The following SOX13 variants were observed in gnomAD, a reference collection of about 807,000 sequenced individuals.
The protein encoded by SOX13 is transcription factor SOX-13.
SOX13 carries 28 observed loss-of-function variants against 71.8 expected under a neutral mutation model. The ratio of observed to expected loss-of-function variants is 0.39; its 90% CI spans 0.29 to 0.53. The LOEUF is 0.53. Among genes scored for constraint, SOX13 ranks in the 20% least tolerant of loss-of-function variants. SOX13 has a pLI of 0.70. For missense variants in SOX13, 627 were observed against 810.3 expected (o/e 0.77, Z 2.75); for synonymous variants, 309 against 317.8 (o/e 0.97, Z 0.29).
At chr1:204,105,587 G>C (rs1656453904) in intron 1 of SOX13, among the ~76,000 whole-genome samples, 1 of 151,986 alleles carries the variant, frequency 6.6e-6, no homozygotes, top group South Asian at 2.1e-4. Flanking sequence ...TGTATTTTTA[G>C]TGGAGATGGG....
chr1:204,082,840 G>T (rs1284472018), intron 1 of SOX13, among the ~76,000 whole-genome samples: 2 of 152,198 alleles, frequency 1.3e-5, no homozygotes, highest in African/African-American at 4.8e-5. Flanking sequence ...AGTAGACAAG[G>T]GATGGACTTG....
intron 1 of SOX13, among the ~76,000 whole-genome samples, chr1:204,091,731 TGC>T (rs1362943455): frequency 4.3e-5 from 4 of 92,756 alleles, no homozygotes; most frequent in African/African-American, 7.1e-5. Context: ...TGTGTGCGTG[TGC>T]GTGTGTGTGT....
intron 2 of SOX13, among the ~76,000 whole-genome samples, chr1:204,113,487 G>A (rs1337503616): frequency 6.6e-6 from 1 of 151,972 alleles, no homozygotes; most frequent in Non-Finnish European, 1.5e-5. Flanking sequence ...AGATGATTTG[G>A]GAAAATCAAC....
intron 1 of SOX13, among the ~76,000 whole-genome samples, chr1:204,097,529 T>TA (rs1472967971): frequency 6.6e-6 from 1 of 151,866 alleles, no homozygotes; most frequent in Non-Finnish European, 1.5e-5. Flanking sequence ...CTGTCTCTAC[T>TA]AAAAATACAA....
chr1:204,100,672 A>G (rs1218777348), intron 1 of SOX13, among the ~76,000 whole-genome samples: 2 of 151,520 alleles, frequency 1.3e-5, no homozygotes, highest in Admixed American at 6.6e-5. Context: ...ATAATGGGAG[A>G]GGAAACGCAG....
In SOX13 at chr1:204,116,583, G is replaced by T; in HGVS notation, c.495G>T (p.Gln165His). 6.2e-7 allele frequency: 1 copy of T among 1,614,058 alleles called. No individual in the cohort carries two copies. The highest frequency in any genetic ancestry group is 8.5e-7 in the Non-Finnish European group (1 of 1,179,900). Residue 165 changes from glutamine (Q) to histidine (H), a missense_variant, in exon 5 of 14, where the codon CAG (glutamine) becomes CAT (histidine). Gln to His is a conservative substitution (Grantham distance 24, BLOSUM62 0). Coordinates refer to ENST00000367204, the MANE Select transcript of SOX13 (RefSeq NM_005686.3). ...ACCAGCTGTCCACCCTGCGGGACCA[G>T]CTCCTGACAGCCCACTCGGAGCAGA... is the stretch of plus-strand genomic sequence containing the variant. ...MIHQLSTLRD[Q>H]LLTAHSEQKN... is the part of the protein sequence containing the mutation.
chr1:204,124,870 C>T lies in SOX13; in HGVS notation c.1592+13C>T. The T allele has an allele frequency of 6.5e-7, 1 of 1,545,810 alleles. No homozygotes were observed. Among genetic ancestry groups the T allele is most frequent in the Non-Finnish European group, 8.8e-7 (1 of 1,141,188 alleles). On this transcript the variant is annotated intron_variant, in intron 13 of 13. Coordinates refer to ENST00000367204, the MANE Select transcript of SOX13 (RefSeq NM_005686.3). The stretch of plus-strand genomic sequence containing the variant: ...GCTACGTGATCCCGTGAGCAGGCCC[C>T]CCCGCAGGCAGCCAGGAGACTGTGT...
intron 1 of SOX13, among the ~76,000 whole-genome samples, chr1:204,102,519 C>T (rs1206063385): frequency 1.3e-5 from 2 of 152,042 alleles, no homozygotes; most frequent in Admixed American, 6.5e-5. Context: ...CGCCTGTTTG[C>T]ACTGTGGGGC....
intron 1 of SOX13, chr1:204,078,277 G>C (rs999984870): frequency 6.6e-6 from 1 of 152,192 alleles, no homozygotes; most frequent in Non-Finnish European, 1.5e-5. Flanking sequence ...CCCTTGAGAG[G>C]CTGACACTGG....
chr1:204,082,278 G>T (rs1655925591), intron 1 of SOX13, among the ~76,000 whole-genome samples: 1 of 152,006 alleles, frequency 6.6e-6, no homozygotes, highest in South Asian at 2.1e-4. Flanking sequence ...GTGCAGGCAG[G>T]CAGGGGCCTG....
Position 204,114,348 on chromosome 1 carries a change from TC to T in SOX13, c.251del (p.Pro84GlnfsTer25). 1 of 1,609,934 alleles carries T rather than the reference TC, an allele frequency of 6.2e-7. No homozygotes were observed. Among genetic ancestry groups the T allele is most frequent in the South Asian group, 1.1e-5 (1 of 90,092 alleles). On this transcript the variant is annotated frameshift_variant, in exon 3 of 14. Transcript: ENST00000367204. LOFTEE classifies it high-confidence loss of function. ...CTGTAGCTCTCCAGAGGGTAATGGG[TC>T]CCCAGAACCCAAGAGACCAGGAGTG... ...WDCSSPEGNG[S>X]PEPKRPGVSE... is the part of the protein sequence containing the mutation.
At chr1:204,108,980 C>T (rs954061350) in intron 1 of SOX13, among the ~76,000 whole-genome samples, 10 of 152,194 alleles carry the variant, frequency 6.6e-5, no homozygotes, top group Non-Finnish European at 1.5e-4. Flanking sequence ...CAGGATAAAA[C>T]CCCCTCCCCA....
rs1655908539 is a variant in SOX13 at position 204,081,603 on chromosome 1, C to T, written c.-2+7892C>T. ...GCCCTGGCGCCTAGGAAAGGCTAGACAGGGAGGGGAGCCTTGGCGTGAGCT... is the reference window on the plus strand; with the variant it reads ...GCCCTGGCGCCTAGGAAAGGCTAGATAGGGAGGGGAGCCTTGGCGTGAGCT... On this transcript the variant is annotated intron_variant, in intron 1 of 13. Transcript: ENST00000367204. The surrounding 1 kb of genome is among the most constrained non-coding windows in gnomAD (Gnocchi z 4.3). 6.6e-6 allele frequency among the ~76,000 whole-genome samples: 1 copy of T among 152,162 alleles called. No homozygotes were observed. The highest frequency in any genetic ancestry group is 1.5e-5 in the Non-Finnish European group (1 of 68,020).
At chr1:204,108,704 C>T (rs1035306584) in intron 1 of SOX13, among the ~76,000 whole-genome samples, 8 of 152,184 alleles carry the variant, frequency 5.3e-5, no homozygotes, top group East Asian at 1.9e-4. Context: ...AGTGAGGTGG[C>T]GCTGAGCCGA....
chr1:204,097,663 C>T (rs1177700448), intron 1 of SOX13, among the ~76,000 whole-genome samples: 1 of 147,208 alleles, frequency 6.8e-6, no homozygotes, highest in Non-Finnish European at 1.5e-5. Context: ...TGCATTCCAG[C>T]CTGAATGCAA....
At chr1:204,109,268 G>C (rs1267027039) in intron 1 of SOX13, among the ~76,000 whole-genome samples, 1 of 152,212 alleles carries the variant, frequency 6.6e-6, no homozygotes, top group Non-Finnish European at 1.5e-5. Flanking sequence ...GGGTGAGCAG[G>C]AGAGTCTGGT....
intron 7 of SOX13, 31 bp downstream of exon 7, chr1:204,117,738 C>A (rs767222195): frequency 6.8e-7 from 1 of 1,475,556 alleles, no homozygotes; most frequent in Non-Finnish European, 9.4e-7. Context: ...TCCACCACTG[C>A]GGCCAGCCTG....
At chr1:204,086,999 T>C (rs918455035) in intron 1 of SOX13, among the ~76,000 whole-genome samples, 12 of 152,006 alleles carry the variant, frequency 7.9e-5, no homozygotes, top group African/African-American at 2.9e-4. Flanking sequence ...CTTGGCGCAC[T>C]GCAAGTTCTG....
At chr1:204,121,737 G>T in intron 7 of SOX13, 163 bp from the exon 8 acceptor site, 2 of 689,610 alleles carry the variant, frequency 2.9e-6, no homozygotes, top group Non-Finnish European at 5.3e-6. Flanking sequence ...TGAGGGGATA[G>T]GAGCCTCCAA....
Sources: gnomAD v4.1 joint callset for allele counts (sites outside exome capture counted in the v4.1 genomes callset) on GRCh38, gnomAD v4.1.1 for gene constraint, Gnocchi (gnomAD v3.1) non-coding constraint, MANE v1.5 for transcripts, NCBI Gene and HGNC (gene_info 2026-07-23, HGNC 2026-07-21) for gene names.